The following SLC4A5 variants were observed in gnomAD, a reference collection of about 807,000 sequenced individuals.
SLC4A5 encodes electrogenic sodium bicarbonate cotransporter 4.
In SLC4A5, 96 loss-of-function variants were observed where a neutral mutation model predicts 120.4. The observed-to-expected ratio is 0.80, with a 90% CI of 0.68 to 0.94. SLC4A5 has a LOEUF of 0.94. Among genes scored for constraint, SLC4A5 ranks in the 40% least tolerant of loss-of-function variants. The pLI is 0.00. For synonymous variants in SLC4A5, 550 were observed against 571.1 expected (o/e 0.96, Z 0.53); for missense variants, 1,259 against 1,459.5 (o/e 0.86, Z 2.24).
intron 8 of SLC4A5, among the ~76,000 whole-genome samples, chr2:74,279,471 C>T (rs994021027): frequency 6.6e-6 from 1 of 152,148 alleles, no homozygotes; most frequent in African/African-American, 2.4e-5. Context: ...GTTCCTCTTC[C>T]TCTGCCCATC....
chr2:74,255,767 G>A lies in SLC4A5; in HGVS notation c.1025+8C>T, dbSNP rs1464358827. ...AGTGGCGTGGGGACAGGTTTCAATGGCTCTCACCTGGTGGGGACAGGCACC... is the reference window on the plus strand; with the variant it reads ...AGTGGCGTGGGGACAGGTTTCAATGACTCTCACCTGGTGGGGACAGGCACC... On this transcript the variant is annotated splice_region_variant and intron_variant, in intron 13 of 30. Coordinates refer to ENST00000394019, the Ensembl canonical transcript of SLC4A5. The surrounding 1 kb of genome is among the most constrained non-coding windows in gnomAD (Gnocchi z 4.0). 2 of 1,613,956 alleles carry A rather than the reference G, an allele frequency of 1.2e-6. No individual in the cohort carries two copies. Among genetic ancestry groups the A allele is most frequent in the Admixed American group, 3.3e-5 (2 of 60,002 alleles).
chr2:74,252,029 G>A (rs1670806930), intron 16 of SLC4A5, 150 bp downstream of exon 16: 3 of 845,602 alleles, frequency 3.5e-6, no homozygotes, highest in African/African-American at 1.7e-5. Flanking sequence ...GGGGATCCAT[G>A]ATGGGGTTCA....
At chr2:74,264,967 G>T in intron 9 of SLC4A5, 137 bp downstream of exon 9, 1 of 956,968 alleles carries the variant, frequency 1.0e-6, no homozygotes, top group Non-Finnish European at 1.5e-6. Flanking sequence ...GGGAGCAACA[G>T]AGTCAAAGCT....
exon 19 of SLC4A5, chr2:74,247,213 T>C (rs780956129): frequency 1.2e-6 from 2 of 1,614,190 alleles, no homozygotes; most frequent in Admixed American, 1.7e-5. Context: ...TATTTGATGA[T>C]AAAGCTGGCA....
chr2:74,270,871 T>C (rs575339069), intron 8 of SLC4A5, among the ~76,000 whole-genome samples: 42 of 152,282 alleles, frequency 2.8e-4, no homozygotes, highest in African/African-American at 1.0e-3. Flanking sequence ...GTAGCTCACA[T>C]GGATCTGATT....
At chr2:74,309,619 G>A (rs544407114) in intron 6 of SLC4A5, among the ~76,000 whole-genome samples, 16 of 151,804 alleles carry the variant, frequency 1.1e-4, no homozygotes, top group African/African-American at 3.6e-4. Flanking sequence ...GGGGAGAACT[G>A]ACAACAATGT....
At chr2:74,243,911 T>C (rs376831569) in intron 19 of SLC4A5, among the ~76,000 whole-genome samples, 1 of 152,192 alleles carries the variant, frequency 6.6e-6, no homozygotes, top group Non-Finnish European at 1.5e-5. Flanking sequence ...CATTCATAAA[T>C]AGAATACAAA....
intron 8 of SLC4A5, among the ~76,000 whole-genome samples, chr2:74,274,422 T>C (rs886995774): frequency 2.2e-4 from 33 of 152,350 alleles, no homozygotes; most frequent in African/African-American, 7.7e-4. Flanking sequence ...CAACAAGTTG[T>C]TTCTACAACG....
chr2:74,257,148 T>C (rs759083845), intron 12 of SLC4A5, among the ~76,000 whole-genome samples: 4 of 151,962 alleles, frequency 2.6e-5, no homozygotes, highest in Non-Finnish European at 4.4e-5. Flanking sequence ...ATTCGACTCA[T>C]GTGGGGGCAT....
intron 19 of SLC4A5, among the ~76,000 whole-genome samples, chr2:74,246,521 A>G (rs1372521213): frequency 6.6e-6 from 1 of 152,160 alleles, no homozygotes; most frequent in Non-Finnish European, 1.5e-5. Flanking sequence ...CGGTTCTCCA[A>G]CTGTTCTCAG....
chr2:74,305,053 T>G (rs1311301783), intron 6 of SLC4A5, among the ~76,000 whole-genome samples: 2 of 152,226 alleles, frequency 1.3e-5, no homozygotes, highest in African/African-American at 4.8e-5. Context: ...TTGATTGTTA[T>G]GAGAAAGTCA....
At chr2:74,306,277 G>A (rs967300848) in intron 6 of SLC4A5, among the ~76,000 whole-genome samples, 1 of 152,132 alleles carries the variant, frequency 6.6e-6, no homozygotes, top group Non-Finnish European at 1.5e-5. Context: ...TGCCAGCCCT[G>A]AGATAACCTC....
chr2:74,242,148 C>T, intron 19 of SLC4A5, 96 bp from the exon 20 acceptor site: 2 of 1,161,910 alleles, frequency 1.7e-6, no homozygotes, highest in African/African-American at 1.5e-5. Context: ...TTCCTTAGAG[C>T]CAAGGCCTGG....
intron 29 of SLC4A5, among the ~76,000 whole-genome samples, 161 bp from the exon 30 acceptor site, chr2:74,221,662 A>ACT (rs1342822101): frequency 5.9e-5 from 9 of 151,924 alleles, no homozygotes; most frequent in Non-Finnish European, 1.5e-5. Flanking sequence ...GGGCTTAGTT[A>ACT]CTCCTTCACC....
chr2:74,257,275 C>A (rs1273539004), intron 12 of SLC4A5, among the ~76,000 whole-genome samples: 1 of 152,082 alleles, frequency 6.6e-6, no homozygotes, highest in Non-Finnish European at 1.5e-5. Context: ...CCACAACCAC[C>A]TGGGCAACCA....
At position 74,242,069 on chromosome 2, in the gene SLC4A5, G is replaced by T; in HGVS notation, c.2060-17C>A. On this transcript the variant is annotated splice_polypyrimidine_tract_variant and intron_variant, in intron 19 of 30. Transcript: ENST00000394019. ...TTGTATTCACTGTGGATGAGCACAT[G>T]ACACGGGGCAGGGTCAGCAGCTGTG... 1 of 1,600,612 alleles carries T rather than the reference G, an allele frequency of 6.2e-7. No homozygotes were observed. Among genetic ancestry groups the T allele is most frequent in the South Asian group, 1.1e-5 (1 of 90,742 alleles).
At chr2:74,282,756 C>T (rs1304933345) in intron 8 of SLC4A5, among the ~76,000 whole-genome samples, 1 of 152,188 alleles carries the variant, frequency 6.6e-6, no homozygotes, top group Non-Finnish European at 1.5e-5. Context: ...GATAGGCCCT[C>T]GTGGAGGGTC....
chr2:74,304,452 G>A, intron 7 of SLC4A5, 37 bp downstream of exon 7: 2 of 1,570,938 alleles, frequency 1.3e-6, no homozygotes, highest in Non-Finnish European at 1.7e-6. Context: ...CACACCAGCA[G>A]GATGGCTCCC....
chr2:74,304,499 G>A (rs764913119), exon 7 of SLC4A5: 1 of 1,612,162 alleles, frequency 6.2e-7, no homozygotes, highest in East Asian at 2.2e-5. Context: ...GAGTCCTGCT[G>A]ATAAGATCCA....
Sources: gnomAD v4.1 joint callset for allele counts (sites outside exome capture counted in the v4.1 genomes callset) on GRCh38, gnomAD v4.1.1 for gene constraint, Gnocchi (gnomAD v3.1) non-coding constraint, MANE v1.5 for transcripts, NCBI Gene and HGNC (gene_info 2026-07-23, HGNC 2026-07-21) for gene names.